PRKAG2: variants seen among roughly 807,000 people sequenced by gnomAD.
PRKAG2 encodes the protein protein kinase AMP-activated non-catalytic subunit gamma 2.
In PRKAG2, 26 loss-of-function variants were observed where a neutral mutation model predicts 69.6. The ratio of observed to expected loss-of-function variants is 0.37; its 90% CI spans 0.27 to 0.52. The LOEUF (loss-of-function observed/expected upper bound fraction) is 0.52. PRKAG2 is among the 20% of genes least tolerant of loss of function. The pLI is 0.90. For missense variants in PRKAG2, 557 were observed against 740.0 expected (o/e 0.75, Z 2.87); for synonymous variants, 293 against 285.0 (o/e 1.03, Z -0.28).
At chr7:151,602,065 C>T (rs981105544) in intron 5 of PRKAG2, among the ~76,000 whole-genome samples, 1 of 152,262 alleles carries the variant, frequency 6.6e-6, no homozygotes, top group African/African-American at 2.4e-5. Flanking sequence ...ATGAGAGCGG[C>T]ACAGAGAGAT....
At chr7:151,812,309 A>C (rs763131390) in intron 1 of PRKAG2, among the ~76,000 whole-genome samples, 2 of 152,126 alleles carry the variant, frequency 1.3e-5, no homozygotes, top group Non-Finnish European at 2.9e-5. Context: ...GGTTTGTTAG[A>C]AGGGGGTGTG....
chr7:151,861,169 T>C (rs529971292), intron 1 of PRKAG2, among the ~76,000 whole-genome samples: 1 of 152,130 alleles, frequency 6.6e-6, no homozygotes, highest in East Asian at 1.9e-4. Context: ...ATTGAACAAA[T>C]TTGCAAATTA....
intron 1 of PRKAG2, chr7:151,810,667 C>G (rs952759217): frequency 2.0e-5 from 3 of 153,720 alleles, no homozygotes; most frequent in Non-Finnish European, 4.4e-5. Flanking sequence ...ATCTTATTTA[C>G]TGGAATCTGC....
chr7:151,804,039 C>A (rs1174207487), intron 1 of PRKAG2, among the ~76,000 whole-genome samples: 1 of 152,130 alleles, frequency 6.6e-6, no homozygotes, highest in Non-Finnish European at 1.5e-5. Flanking sequence ...GCCATGTCCC[C>A]AGAGGAACCA....
chr7:151,833,390 C>T (rs570969484), intron 1 of PRKAG2, among the ~76,000 whole-genome samples: 1 of 152,302 alleles, frequency 6.6e-6, no homozygotes, highest in East Asian at 1.9e-4. Flanking sequence ...GAATGATGTT[C>T]AAAGGCTGTT....
chr7:151,798,085 A>G (rs1251428929), intron 1 of PRKAG2, among the ~76,000 whole-genome samples: 2 of 151,966 alleles, frequency 1.3e-5, no homozygotes, highest in African/African-American at 4.8e-5. Context: ...GCTCACTGCA[A>G]CCTCCGCCTC....
chr7:151,745,214 C>T (rs763068380), intron 3 of PRKAG2, among the ~76,000 whole-genome samples: 3 of 152,208 alleles, frequency 2.0e-5, no homozygotes, highest in African/African-American at 4.8e-5. Flanking sequence ...GTCCCCTGCA[C>T]GGCTGCGTTC....
chr7:151,794,596 G>T (rs1219612465), intron 1 of PRKAG2, among the ~76,000 whole-genome samples: 2 of 152,278 alleles, frequency 1.3e-5, no homozygotes, highest in Non-Finnish European at 2.9e-5. Flanking sequence ...CACCAGGGCA[G>T]CCAGGCCCCT....
chr7:151,822,157 A>G (rs947848371), intron 1 of PRKAG2, among the ~76,000 whole-genome samples: 11 of 152,270 alleles, frequency 7.2e-5, no homozygotes, highest in African/African-American at 2.6e-4. Context: ...AAATAATAGA[A>G]TGTTCCAGAA....
At chr7:151,845,624 G>T (rs564928732) in intron 1 of PRKAG2, among the ~76,000 whole-genome samples, 156 of 152,304 alleles carry the variant, frequency 1.0e-3, no homozygotes, top group African/African-American at 3.5e-3. Flanking sequence ...GGAAGGGAAA[G>T]GCGGTGGCTG....
At chr7:151,747,903 G>A (rs1269144823) in intron 3 of PRKAG2, among the ~76,000 whole-genome samples, 2 of 150,608 alleles carry the variant, frequency 1.3e-5, no homozygotes, top group African/African-American at 4.9e-5. Flanking sequence ...CTCTTGGAGG[G>A]GGCAAAAAAA....
At chr7:151,581,747 A>G (rs530332280) in intron 6 of PRKAG2, among the ~76,000 whole-genome samples, 1 of 152,352 alleles carries the variant, frequency 6.6e-6, no homozygotes, top group South Asian at 2.1e-4. Context: ...CCTCAGGCTT[A>G]AAAGAATGAT....
intron 1 of PRKAG2, among the ~76,000 whole-genome samples, chr7:151,868,385 G>A (rs1167443081): frequency 6.6e-6 from 1 of 152,186 alleles, no homozygotes; most frequent in African/African-American, 2.4e-5. Context: ...GAGTAACAGT[G>A]GGGGCTTCTA....
intron 3 of PRKAG2, among the ~76,000 whole-genome samples, chr7:151,778,158 C>T (rs988023614): frequency 6.6e-5 from 10 of 152,134 alleles, no homozygotes; most frequent in African/African-American, 2.4e-4. Flanking sequence ...GATCTCATCC[C>T]CAACCAATCA....
At chr7:151,695,929 G>T (rs2151546956) in intron 3 of PRKAG2, among the ~76,000 whole-genome samples, 1 of 152,296 alleles carries the variant, frequency 6.6e-6, no homozygotes, top group African/African-American at 2.4e-5. Context: ...AGCAAGAACA[G>T]TCTGGTGTTC....
chr7:151,844,071 A>C (rs887343871), intron 1 of PRKAG2, among the ~76,000 whole-genome samples: 3 of 152,204 alleles, frequency 2.0e-5, no homozygotes, highest in African/African-American at 7.2e-5. Context: ...GGAGATGGAG[A>C]AGAAGGCATG....
chr7:151,872,751 C>G (rs553340641), intron 1 of PRKAG2, among the ~76,000 whole-genome samples: 2 of 152,354 alleles, frequency 1.3e-5, no homozygotes, highest in African/African-American at 4.8e-5. Flanking sequence ...CTGCCAGGGT[C>G]TGAGAGGATT....
chr7:151,675,621 G>T lies in PRKAG2; in HGVS notation c.483C>A (p.Ser161=), dbSNP rs1832794347. ...SRSRKTSGLS[S]SPSTPTQVTK... ...TCACTTGGGTGGGTGTTGACGGAGAGGAGGAGAGGCCGGAGGCTGCAGAAG... is the reference window on the plus strand; with the variant it reads ...TCACTTGGGTGGGTGTTGACGGAGATGAGGAGAGGCCGGAGGCTGCAGAAG... The change falls in exon 4 of 16, where the codon TCC becomes TCA. Residue 161 remains serine (S), a synonymous_variant. Coordinates refer to ENST00000287878, the MANE Select transcript of PRKAG2 (RefSeq NM_016203.4). The T allele has an allele frequency of 6.2e-7, 1 of 1,613,668 alleles. No individual in the cohort carries two copies. The highest frequency in any genetic ancestry group is 8.5e-7 in the Non-Finnish European group (1 of 1,179,648).
intron 3 of PRKAG2, among the ~76,000 whole-genome samples, chr7:151,739,981 A>C (rs1302395632): frequency 1.3e-5 from 2 of 152,118 alleles, no homozygotes; most frequent in Non-Finnish European, 2.9e-5. Context: ...CTATATGTGA[A>C]TGTCGCCCTT....
Sources: gnomAD v4.1 joint callset for allele counts (sites outside exome capture counted in the v4.1 genomes callset) on GRCh38, gnomAD v4.1.1 for gene constraint, MANE v1.5 for transcripts, NCBI Gene and HGNC (gene_info 2026-07-23, HGNC 2026-07-21) for gene names.